Variants in CSMD2 observed in about 807,000 individuals in gnomAD.
CSMD2 encodes the protein CUB and Sushi multiple domains 2.
Under a neutral mutation model 398.5 loss-of-function variants are expected in CSMD2, and 130 were observed. That is an observed-to-expected ratio of 0.33 (90% CI 0.28 to 0.38). CSMD2 has a LOEUF of 0.38. Among genes scored for constraint, CSMD2 ranks in the 10% least tolerant of loss-of-function variants. The pLI, the probability that CSMD2 is intolerant of heterozygous loss-of-function variation, is 1.00. For missense variants in CSMD2, 3,829 were observed against 4,764.9 expected (o/e 0.80, Z 5.78); for synonymous variants, 1,828 against 1,908.5 (o/e 0.96, Z 1.10).
chr1:33,981,913 C>T lies in CSMD2; in HGVS notation c.518-45959G>A, dbSNP rs145005937. On this transcript the variant is annotated intron_variant, in intron 3 of 70. Transcript: ENST00000373381. ...CTGTGCAGATGCTTCAGAGGGAGGGCTGAGAAAGGGCAGAGAGGGCAGTAT... is the reference window on the plus strand; with the variant it reads ...CTGTGCAGATGCTTCAGAGGGAGGGTTGAGAAAGGGCAGAGAGGGCAGTAT... Among the ~76,000 whole-genome samples, 607 of 152,228 alleles carry T rather than the reference C, an allele frequency of 4.0e-3. 2 individuals carry two copies. The highest frequency in any genetic ancestry group is 0.01 in the Middle Eastern group (3 of 294).
intron 37 of CSMD2, among the ~76,000 whole-genome samples, chr1:33,618,950 T>C (rs1641577286): frequency 6.6e-6 from 1 of 152,024 alleles, no homozygotes; most frequent in East Asian, 1.9e-4. Context: ...CCTAAAACAG[T>C]CCTCATCCTG....
At chr1:34,122,860 C>T (rs950267677) in intron 1 of CSMD2, among the ~76,000 whole-genome samples, 2 of 152,168 alleles carry the variant, frequency 1.3e-5, no homozygotes, top group Non-Finnish European at 2.9e-5. Context: ...CAAATGCCTT[C>T]CTAATCCCAT....
chr1:33,618,157 T>A (rs1253069746), intron 37 of CSMD2, among the ~76,000 whole-genome samples: 1 of 152,098 alleles, frequency 6.6e-6, no homozygotes, highest in Non-Finnish European at 1.5e-5. Context: ...CAGATAAGAC[T>A]CTCCACTGCC....
intron 5 of CSMD2, chr1:33,882,083 G>C (rs1488287769): frequency 6.6e-6 from 1 of 152,080 alleles, no homozygotes; most frequent in African/African-American, 2.4e-5. Context: ...CCTAAAAGTG[G>C]TATCCACATT....
At chr1:33,937,448 G>A (rs994244480) in intron 3 of CSMD2, among the ~76,000 whole-genome samples, 6 of 152,306 alleles carry the variant, frequency 3.9e-5, no homozygotes, top group African/African-American at 1.4e-4. Context: ...GAGTGGGGTG[G>A]CAGTGATGGG....
At chr1:33,707,683 A>ATG (rs546434224) in intron 22 of CSMD2, among the ~76,000 whole-genome samples, 15,567 of 71,320 alleles carry the variant, frequency 0.22, 1,134 homozygotes, top group Middle Eastern at 0.27. Context: ...ACGCGTGCAC[A>ATG]CGCGCGCGCG....
intron 6 of CSMD2, among the ~76,000 whole-genome samples, chr1:33,837,376 G>C (rs1283874823): frequency 2.0e-5 from 3 of 146,838 alleles, no homozygotes; most frequent in African/African-American, 7.7e-5. Flanking sequence ...ATTCATTCAT[G>C]TTGTTTGTAC....
intron 13 of CSMD2, among the ~76,000 whole-genome samples, chr1:33,767,790 CA>C (rs1557863455): frequency 6.6e-6 from 1 of 152,110 alleles, no homozygotes; most frequent in East Asian, 1.9e-4. Context: ...TTGCTTCATA[CA>C]GGTAACTCGG....
rs1645580579 is a variant in CSMD2, at chr1:33,700,629, A to G, written c.3621T>C (p.Phe1207=). The part of the protein sequence containing the change: ...NNNSARLLGV[F]SHSEMMGVTL... ...TCACCCCCATCATCTCAGAATGGCT[A>G]AAAACTCCCAGCAAACGGGCGGAGT... is the stretch of plus-strand genomic sequence containing the variant. The change falls in exon 23 of 71, where the codon TTT becomes TTC. Residue 1207 remains phenylalanine, a synonymous_variant. Transcript: ENST00000373381. The G allele has an allele frequency of 3.1e-6, 5 of 1,614,170 alleles. No individual in the cohort carries two copies. The highest frequency in any genetic ancestry group is 4.2e-6 in the Non-Finnish European group (5 of 1,180,024).
chr1:33,653,777 TGGTTTGGTCTGGAAA>T (rs1330900070), intron 27 of CSMD2, among the ~76,000 whole-genome samples: 1 of 152,106 alleles, frequency 6.6e-6, no homozygotes, highest in African/African-American at 2.4e-5. Flanking sequence ...ACTATAGGTA[TGGTTTGGTCTGGAAA>T]CCACAGGGCA....
chr1:33,648,131 G>A (rs184658962), intron 28 of CSMD2, among the ~76,000 whole-genome samples: 6 of 152,282 alleles, frequency 3.9e-5, no homozygotes, highest in African/African-American at 1.4e-4. Flanking sequence ...GGGAGGCTGA[G>A]GTGGGCGGAT....
At position 33,633,522 on chromosome 1, in the gene CSMD2, C is replaced by A. The variant is rs781676495; in HGVS notation, c.5100G>T (p.Gln1700His). The A allele has an allele frequency of 2.0e-4, 307 of 1,552,486 alleles. 6 individuals carry two copies. Among genetic ancestry groups the A allele is most frequent in the South Asian group, 1.7e-3 (144 of 84,096 alleles). The stretch of plus-strand genomic sequence containing the variant: ...TGAGGGCCGTGTGAAAGAAGGCGAA[C>A]TGGCCAAACACCACTGTGGAGGAGA... ...TVPKDYVVFGQFAFFHTALND... is the reference protein window; with the variant it reads ...TVPKDYVVFGHFAFFHTALND... The change falls in exon 32 of 71, where the codon CAG (glutamine) becomes CAT (histidine). Residue 1700 changes from glutamine to histidine, a missense_variant. Transcript: ENST00000373381. The surrounding 1 kb of genome is among the most constrained non-coding windows in gnomAD (Gnocchi z 5.0).
At chr1:33,683,701 C>T (rs561711765) in intron 25 of CSMD2, among the ~76,000 whole-genome samples, 16 of 152,250 alleles carry the variant, frequency 1.1e-4, no homozygotes, top group African/African-American at 3.4e-4. Context: ...ACTGAATGGC[C>T]GGAGAGTGCC....
intron 5 of CSMD2, among the ~76,000 whole-genome samples, chr1:33,858,268 C>T (rs757445632): frequency 6.6e-6 from 1 of 152,204 alleles, no homozygotes; most frequent in African/African-American, 2.4e-5. Flanking sequence ...GAATGAGGAT[C>T]AACCCAGATT....
intron 25 of CSMD2, among the ~76,000 whole-genome samples, chr1:33,665,867 A>G (rs1167256322): frequency 2.6e-5 from 4 of 152,140 alleles, no homozygotes; most frequent in African/African-American, 9.7e-5. Flanking sequence ...CTACCAGTCT[A>G]TCTTTAGTGT....
At chr1:33,618,279 C>A (rs1641529631) in intron 37 of CSMD2, among the ~76,000 whole-genome samples, 1 of 152,142 alleles carries the variant, frequency 6.6e-6, no homozygotes, top group Non-Finnish European at 1.5e-5. Context: ...TGAGCACTGG[C>A]CCCGCTAAAA....
At chr1:33,687,086 G>A (rs1050966621) in intron 25 of CSMD2, among the ~76,000 whole-genome samples, 1 of 152,182 alleles carries the variant, frequency 6.6e-6, no homozygotes, top group Non-Finnish European at 1.5e-5. Context: ...GGCTTAAAGA[G>A]TTCCCTGAGC....
intron 10 of CSMD2, chr1:33,804,915 T>C (rs752054493): frequency 1.8e-5 from 13 of 716,936 alleles, no homozygotes; most frequent in Non-Finnish European, 2.9e-5. Context: ...CAGGATAGGG[T>C]TCTCTTCAGC....
At chr1:33,612,289 C>T (rs1641059969) in intron 40 of CSMD2, among the ~76,000 whole-genome samples, 1 of 152,164 alleles carries the variant, frequency 6.6e-6, no homozygotes, top group African/African-American at 2.4e-5. Context: ...GAGTATAATT[C>T]TTTTTGCATC....
Sources: gnomAD v4.1 joint callset for allele counts (sites outside exome capture counted in the v4.1 genomes callset) on GRCh38, gnomAD v4.1.1 for gene constraint, Gnocchi (gnomAD v3.1) non-coding constraint, MANE v1.5 for transcripts, NCBI Gene and HGNC (gene_info 2026-07-23, HGNC 2026-07-21) for gene names.